Variants in RORB observed in about 807,000 individuals in gnomAD.
RORB encodes RAR related orphan receptor B, also known as nuclear receptor ROR-beta.
RORB carries 6 observed loss-of-function variants against 59.1 expected under a neutral mutation model. The ratio of observed to expected loss-of-function variants is 0.10; its 90% CI spans 0.06 to 0.20. The LOEUF (loss-of-function observed/expected upper bound fraction) is 0.20, where lower values mean the gene tolerates loss of function less well. Ranked by LOEUF, RORB falls within the 10% of genes least tolerant of loss-of-function variation. The pLI is 1.00. For missense variants in RORB, 320 were observed against 560.5 expected, an observed-to-expected ratio of 0.57 and a Z score of 4.33; for synonymous variants, 215 against 204.5, an observed-to-expected ratio of 1.05 and a Z score of -0.44.
At chr9:74,623,235 C>T (rs867075690) in intron 1 of RORB, among the ~76,000 whole-genome samples, 1 of 152,142 alleles carries the variant, frequency 6.6e-6, no homozygotes, top group African/African-American at 2.4e-5. Flanking sequence ...GTAGCCACAA[C>T]CGCAAGAGTG....
At chr9:74,623,368 C>T (rs1045675008) in intron 1 of RORB, among the ~76,000 whole-genome samples, 8 of 151,882 alleles carry the variant, frequency 5.3e-5, no homozygotes, top group African/African-American at 1.4e-4. Flanking sequence ...ATTACAGTAA[C>T]GCAAGATATT....
chr9:74,513,173 C>T (rs1433040294), intron 1 of RORB, among the ~76,000 whole-genome samples: 1 of 151,990 alleles, frequency 6.6e-6, no homozygotes, highest in East Asian at 1.9e-4. Context: ...CTTTCCTCTG[C>T]ATATTTTTGT....
At chr9:74,513,581 T>C (rs1189833586) in intron 1 of RORB, among the ~76,000 whole-genome samples, 1 of 152,054 alleles carries the variant, frequency 6.6e-6, no homozygotes, top group African/African-American at 2.4e-5. Context: ...GTCTAAAATA[T>C]ATACTTACTT....
At chr9:74,643,831 T>C (rs980019469) in intron 4 of RORB, among the ~76,000 whole-genome samples, 2 of 152,212 alleles carry the variant, frequency 1.3e-5, no homozygotes, top group African/African-American at 4.8e-5. Context: ...AGAACTGTGC[T>C]ACCTGAGTTT....
At position 74,690,135 on chromosome 9, in the gene RORB, CA is replaced by C. The variant is rs1310639435; in HGVS notation, c.*4518del. 1 of 152,142 alleles carries C rather than the reference CA, an allele frequency of 6.6e-6. No homozygotes were observed. The highest frequency in any genetic ancestry group is 2.4e-5 in the African/African-American group (1 of 41,428). The allele number at this position is 152,142 out of a possible 1,614,324, so 9.4% of individuals were successfully genotyped here. A position where few individuals can be genotyped will look rare whatever the true frequency, so the allele number is the denominator to read the frequency against. The stretch of plus-strand genomic sequence containing the variant: ...GCATAAAGAAGAGAGGAAAGCCTAC[CA>C]TCTGCTTTAGACGAAGTGTTATTTG... On this transcript the variant is annotated 3_prime_UTR_variant, in exon 10 of 10. Coordinates refer to ENST00000376896, the MANE Select transcript of RORB (RefSeq NM_006914.4).
chr9:74,510,213 T>C (rs1343783075), intron 1 of RORB, among the ~76,000 whole-genome samples: 4 of 152,172 alleles, frequency 2.6e-5, no homozygotes, highest in Non-Finnish European at 5.9e-5. Context: ...TGACCACAGA[T>C]GCTATTAGAA....
rs149068646 is a variant in RORB at position 74,622,652 on chromosome 9, G to A, written c.8-7630G>A. ...AGCGATTCTCCTGCCCTAGCCTCCC[G>A]AGTAGCTGGGACTACAGGTGCGCAC... On this transcript the variant is annotated intron_variant, in intron 1 of 9. Coordinates refer to ENST00000376896, the MANE Select transcript of RORB (RefSeq NM_006914.4). 6.4e-3 allele frequency among the ~76,000 whole-genome samples: 950 copies of A among 148,108 alleles called. 8 individuals carry two copies. Among genetic ancestry groups the A allele is most frequent in the African/African-American group, 0.022 (894 of 40,250 alleles).
intron 1 of RORB, among the ~76,000 whole-genome samples, chr9:74,522,887 G>C (rs1587340114): frequency 6.6e-6 from 1 of 151,818 alleles, no homozygotes; most frequent in Admixed American, 6.6e-5. Flanking sequence ...AATGTAAAAT[G>C]CATGTGAGCA....
At chr9:74,565,618 T>C (rs1483076725) in intron 1 of RORB, among the ~76,000 whole-genome samples, 1 of 152,188 alleles carries the variant, frequency 6.6e-6, no homozygotes, top group Non-Finnish European at 1.5e-5. Flanking sequence ...ATGAAAATTA[T>C]TTATCTTTAC....
intron 1 of RORB, among the ~76,000 whole-genome samples, chr9:74,623,178 G>A (rs1005274585): frequency 2.3e-4 from 35 of 152,106 alleles, no homozygotes; most frequent in African/African-American, 6.3e-4. Flanking sequence ...GTTTTTAACT[G>A]TTTCAAGAAA....
intron 4 of RORB, among the ~76,000 whole-genome samples, chr9:74,643,546 C>T (rs888060274): frequency 2.6e-5 from 4 of 152,202 alleles, no homozygotes; most frequent in Non-Finnish European, 5.9e-5. Context: ...TTTACTCCAT[C>T]GAACTCAGGA....
intron 7 of RORB, among the ~76,000 whole-genome samples, chr9:74,665,814 C>T (rs1824254993): frequency 6.6e-6 from 1 of 152,234 alleles, no homozygotes; most frequent in Non-Finnish European, 1.5e-5. Flanking sequence ...GAGGACCCTC[C>T]TGAGAACAAC....
chr9:74,553,576 T>A (rs1478855543), intron 1 of RORB, among the ~76,000 whole-genome samples: 7 of 151,980 alleles, frequency 4.6e-5, no homozygotes, highest in Admixed American at 1.3e-4. Context: ...ATGTGATTTT[T>A]AAATGCAAGG....
intron 1 of RORB, among the ~76,000 whole-genome samples, chr9:74,591,752 A>G (rs1822897118): frequency 6.6e-6 from 1 of 152,232 alleles, no homozygotes; most frequent in Non-Finnish European, 1.5e-5. Flanking sequence ...AATTGTTTAT[A>G]TCACAGGGAT....
rs368387542 is a variant in RORB at position 74,686,686 on chromosome 9, A to T, written c.*1068A>T. 6.6e-6 allele frequency: 1 copy of T among 152,580 alleles called. No homozygotes were observed. The highest frequency in any genetic ancestry group is 1.9e-4 in the East Asian group (1 of 5,192). 9.5% of individuals were successfully genotyped at this position (152,580 alleles called of 1,614,324 possible). A position where few individuals can be genotyped will look rare whatever the true frequency, so the allele number is the denominator to read the frequency against. On this transcript the variant is annotated 3_prime_UTR_variant, in exon 10 of 10. Transcript: ENST00000376896. ...GAATAAATCAGAACCCAGGGCAACA[A>T]TGCCATTTCATGTAAACATTTTCTC...
chr9:74,554,879 T>C (rs1822260891), intron 1 of RORB, among the ~76,000 whole-genome samples: 2 of 152,204 alleles, frequency 1.3e-5, no homozygotes, highest in South Asian at 4.1e-4. Context: ...CTCCTTTCTA[T>C]AGTTGTAAAT....
chr9:74,621,461 G>A (rs548079193), intron 1 of RORB, among the ~76,000 whole-genome samples: 59 of 152,296 alleles, frequency 3.9e-4, no homozygotes, highest in African/African-American at 1.4e-3. Context: ...AAGCACAAAT[G>A]TACCACAGTT....
chr9:74,513,253 C>T lies in RORB; in HGVS notation c.7+15270C>T, dbSNP rs537426630. 1.6e-3 allele frequency among the ~76,000 whole-genome samples: 238 copies of T among 152,110 alleles called. 1 individual carries two copies. Among genetic ancestry groups the T allele is most frequent in the African/African-American group, 5.3e-3 (221 of 41,514 alleles). Reference sequence around the variant, plus strand: ...ATAGAATCGATGTGAAACCCCATTACATCCTAGTAGTAAATAATAGTCAAG... The same window carrying T: ...ATAGAATCGATGTGAAACCCCATTATATCCTAGTAGTAAATAATAGTCAAG... On this transcript the variant is annotated intron_variant, in intron 1 of 9. Coordinates refer to ENST00000376896, the MANE Select transcript of RORB (RefSeq NM_006914.4).
intron 1 of RORB, among the ~76,000 whole-genome samples, chr9:74,574,201 A>C (rs1822596067): frequency 6.6e-6 from 1 of 152,088 alleles, no homozygotes; most frequent in Non-Finnish European, 1.5e-5. Context: ...TTTGACTCAC[A>C]CATACAACTC....
Sources: gnomAD v4.1 joint callset for allele counts (sites outside exome capture counted in the v4.1 genomes callset) on GRCh38, gnomAD v4.1.1 for gene constraint, MANE v1.5 for transcripts, NCBI Gene and HGNC (gene_info 2026-07-23, HGNC 2026-07-21) for gene names.